SAP130: variants seen among roughly 807,000 people sequenced by gnomAD.
The protein encoded by SAP130 is Sin3A associated protein 130.
In SAP130, 16 loss-of-function variants were observed where a neutral mutation model predicts 103.2. The ratio of observed to expected loss-of-function variants is 0.16; its 90% CI spans 0.10 to 0.24. The LOEUF (loss-of-function observed/expected upper bound fraction) is 0.24, where lower values mean the gene tolerates loss of function less well. Among genes scored for constraint, SAP130 ranks in the 10% least tolerant of loss-of-function variants. SAP130 has a pLI of 1.00. For synonymous variants in SAP130, 477 were observed against 497.0 expected, an observed-to-expected ratio of 0.96 and a Z score of 0.53; for missense variants, 990 against 1,359.7, an observed-to-expected ratio of 0.73 and a Z score of 4.28.
intron 7 of SAP130, among the ~76,000 whole-genome samples, chr2:128,003,147 C>T (rs1683692860): frequency 6.6e-6 from 1 of 151,186 alleles, no homozygotes; most frequent in Non-Finnish European, 1.5e-5. Flanking sequence ...GACACTTGAG[C>T]CAGCAAAAAG....
intron 14 of SAP130, among the ~76,000 whole-genome samples, chr2:127,982,226 A>G (rs1446661509): frequency 6.6e-6 from 1 of 152,204 alleles, no homozygotes; most frequent in Admixed American, 6.5e-5. Context: ...CAACAGAAGG[A>G]TATTTCATAC....
chr2:128,011,981 T>G (rs1172713900), intron 6 of SAP130, among the ~76,000 whole-genome samples: 1 of 152,104 alleles, frequency 6.6e-6, no homozygotes, highest in Non-Finnish European at 1.5e-5. Flanking sequence ...CCCAGCTAAT[T>G]TTTTGGCATT....
chr2:128,018,476 T>C (rs912569948), intron 2 of SAP130, among the ~76,000 whole-genome samples: 28 of 111,566 alleles, frequency 2.5e-4, no homozygotes, highest in African/African-American at 1.2e-3. Context: ...GAGAGGAAGA[T>C]TGTCTCCAAA....
At chr2:127,962,441 C>T (rs1031286199) in intron 15 of SAP130, among the ~76,000 whole-genome samples, 10 of 152,134 alleles carry the variant, frequency 6.6e-5, no homozygotes, top group East Asian at 1.9e-4. Context: ...ATGTTTATAG[C>T]GGCACTATTC....
At chr2:127,957,889 T>TA (rs1007944490) in intron 15 of SAP130, among the ~76,000 whole-genome samples, 3 of 151,794 alleles carry the variant, frequency 2.0e-5, no homozygotes, top group Non-Finnish European at 2.9e-5. Context: ...ACCTGACAAA[T>TA]AAGAGTTTCC....
In SAP130 at chr2:127,995,001, A is replaced by C. The variant is rs551328308; in HGVS notation, c.1355+1349T>G. 2.9e-3 allele frequency among the ~76,000 whole-genome samples: 447 copies of C among 151,748 alleles called. 2 individuals carry two copies. Among genetic ancestry groups the C allele is most frequent in the Non-Finnish European group, 4.6e-3 (312 of 67,962 alleles). On this transcript the variant is annotated intron_variant, in intron 11 of 20. Coordinates refer to ENST00000643581, the MANE Select transcript of SAP130 (RefSeq NM_001330301.2). ...AAGCATTCCTAGACACAAATGATCA[A>C]ATTAGAACACTTAACAATAACCTGT...
At chr2:128,024,073 G>T (rs1685333914) in intron 2 of SAP130, among the ~76,000 whole-genome samples, 1 of 152,118 alleles carries the variant, frequency 6.6e-6, no homozygotes, top group African/African-American at 2.4e-5. Flanking sequence ...TCGTGAAATT[G>T]GGAATTTTTT....
In SAP130 at chr2:128,000,143, T is replaced by C; in HGVS notation, c.1021A>G (p.Thr341Ala). The change falls in exon 9 of 21, where the codon ACA (threonine) becomes GCA (alanine). Residue 341 changes from threonine to alanine, a missense_variant. By Grantham distance (58) the Thr-to-Ala change is moderately conservative. Transcript: ENST00000643581. ...ACTGGCGTGCCAGTACTGAAGATTGTTTTCTGTGAGGGAAACCCCACAACA... is the reference window on the plus strand; with the variant it reads ...ACTGGCGTGCCAGTACTGAAGATTGCTTTCTGTGAGGGAAACCCCACAACA... ...KQQLHTMAQK[T>A]IFSTGTPVAA... 6.2e-7 allele frequency: 1 copy of C among 1,614,134 alleles called. No homozygotes were observed. Among genetic ancestry groups the C allele is most frequent in the Non-Finnish European group, 8.5e-7 (1 of 1,180,008 alleles).
chr2:128,018,244 T>C (rs1158677785), intron 2 of SAP130, among the ~76,000 whole-genome samples: 1 of 124,106 alleles, frequency 8.1e-6, no homozygotes, highest in Non-Finnish European at 1.6e-5. Context: ...TAGAAAGTTA[T>C]AAAAGCCTGA....
chr2:127,964,181 T>G (rs973655819), intron 15 of SAP130, among the ~76,000 whole-genome samples: 5 of 150,860 alleles, frequency 3.3e-5, no homozygotes, highest in African/African-American at 9.8e-5. Context: ...GATGACACGG[T>G]GAGACCCTAT....
At chr2:127,991,303 A>C (rs1215172990) in intron 12 of SAP130, among the ~76,000 whole-genome samples, 3 of 152,214 alleles carry the variant, frequency 2.0e-5, no homozygotes, top group Non-Finnish European at 4.4e-5. Flanking sequence ...ATTTAACCCA[A>C]TATATTCAAA....
intron 2 of SAP130, among the ~76,000 whole-genome samples, chr2:128,019,671 A>C (rs2105228432): frequency 6.6e-6 from 1 of 152,292 alleles, no homozygotes; most frequent in South Asian, 2.1e-4. Context: ...AGATCACTTG[A>C]GGTCAGGAGT....
Position 127,955,511 on chromosome 2 carries a change from G to C in SAP130, c.2064-167C>G, listed in dbSNP as rs1679780103. Among the ~76,000 whole-genome samples, 1 of 151,956 alleles carries C rather than the reference G, an allele frequency of 6.6e-6. No individual in the cohort carries two copies. Among genetic ancestry groups the C allele is most frequent in the Non-Finnish European group, 1.5e-5 (1 of 68,010 alleles). ...TTAATTTTAAAAAAATTTTGAGACA[G>C]GGTCTCACTCTGTTACCCATGCTGG... On this transcript the variant is annotated intron_variant, in intron 15 of 20. Transcript: ENST00000643581. This position sits in a 1 kb window ranked among gnomAD's most constrained non-coding sequence, Gnocchi z 4.9.
At chr2:127,992,021 G>C (rs559490410) in intron 12 of SAP130, among the ~76,000 whole-genome samples, 2 of 152,146 alleles carry the variant, frequency 1.3e-5, no homozygotes, top group East Asian at 1.9e-4. Context: ...ACCTAGGCTG[G>C]AGTGCAGTGG....
In SAP130 at chr2:127,942,002, G is replaced by T; in HGVS notation, c.*4C>A. On this transcript the variant is annotated 3_prime_UTR_variant, in exon 21 of 21. Coordinates refer to ENST00000643581, the MANE Select transcript of SAP130 (RefSeq NM_001330301.2). This position sits in a 1 kb window ranked among gnomAD's most constrained non-coding sequence, Gnocchi z 4.8. ...TTGCTTCCAATCTCCTGATTGTTCT[G>T]GGTCTAGACTTTTTCCTTTCGCTTC... is the stretch of plus-strand genomic sequence containing the variant. 6.4e-7 allele frequency: 1 copy of T among 1,563,702 alleles called. No homozygotes were observed.
In SAP130 at chr2:127,942,178, C is replaced by T; in HGVS notation, c.3016-14G>A. 1 of 1,575,708 alleles carries T rather than the reference C, an allele frequency of 6.3e-7. No individual in the cohort carries two copies. The highest frequency in any genetic ancestry group is 8.6e-7 in the Non-Finnish European group (1 of 1,165,994). On this transcript the variant is annotated splice_polypyrimidine_tract_variant and intron_variant, in intron 20 of 20. Transcript: ENST00000643581. The surrounding 1 kb of genome is among the most constrained non-coding windows in gnomAD (Gnocchi z 4.8). ...CTGCATATTTCCCTGAAACAGAAGA[C>T]ATTGCATCATCAATCAGTGACCATG...
chr2:128,007,920 T>G (rs1300988071), intron 7 of SAP130, among the ~76,000 whole-genome samples: 1 of 152,202 alleles, frequency 6.6e-6, no homozygotes, highest in Non-Finnish European at 1.5e-5. Context: ...ACTTGGTTGT[T>G]ACACAGATAA....
chr2:127,985,671 G>A (rs537044473), intron 14 of SAP130, among the ~76,000 whole-genome samples: 1 of 152,168 alleles, frequency 6.6e-6, no homozygotes, highest in African/African-American at 2.4e-5. Flanking sequence ...GCGGGTCCCT[G>A]GTGAGGGCTC....
chr2:127,982,949 C>A (rs1682057992), intron 14 of SAP130, among the ~76,000 whole-genome samples: 1 of 152,070 alleles, frequency 6.6e-6, no homozygotes, highest in South Asian at 2.1e-4. Context: ...GGCATGGGAG[C>A]ACAGAGACAA....
Sources: gnomAD v4.1 joint callset for allele counts (sites outside exome capture counted in the v4.1 genomes callset) on GRCh38, gnomAD v4.1.1 for gene constraint, Gnocchi (gnomAD v3.1) non-coding constraint, MANE v1.5 for transcripts, NCBI Gene and HGNC (gene_info 2026-07-23, HGNC 2026-07-21) for gene names.